Variants in GALNTL6 observed in about 807,000 individuals in gnomAD.
GALNTL6 encodes the protein polypeptide N-acetylgalactosaminyltransferase like 6.
GALNTL6 carries 46 observed loss-of-function variants against 73.7 expected under a neutral mutation model. That is an observed-to-expected ratio of 0.62 (90% CI 0.49 to 0.80). The LOEUF is 0.80. GALNTL6 is among the 30% of genes least tolerant of loss of function. The pLI is 0.00. For synonymous variants in GALNTL6, 259 were observed against 263.7 expected, an observed-to-expected ratio of 0.98 and a Z score of 0.17; for missense variants, 604 against 755.0, an observed-to-expected ratio of 0.80 and a Z score of 2.34.
intron 3 of GALNTL6, among the ~76,000 whole-genome samples, chr4:172,241,078 C>A (rs540976721): frequency 2.1e-4 from 32 of 152,250 alleles, no homozygotes; most frequent in African/African-American, 5.3e-4. Context: ...TAGCTGAATT[C>A]TTGTCCTTGG....
chr4:172,013,798 T>C (rs927520527), intron 2 of GALNTL6, among the ~76,000 whole-genome samples: 1 of 152,038 alleles, frequency 6.6e-6, no homozygotes, highest in Admixed American at 6.6e-5. Flanking sequence ...TACTAGGTCT[T>C]ATTCATTCTT....
At chr4:172,585,642 T>A (rs1017907973) in intron 5 of GALNTL6, among the ~76,000 whole-genome samples, 3 of 152,174 alleles carry the variant, frequency 2.0e-5, no homozygotes, top group African/African-American at 7.2e-5. Context: ...ACATTTTCTT[T>A]ATCCAGTCTA....
Position 172,497,991 on chromosome 4 carries a change from C to CTTTTTTTTTTTTTTTTTTTTTT in GALNTL6, c.553+149312_553+149313insTTTTTTTTTTTTTTTTTTTTTT, listed in dbSNP as rs10669113. On this transcript the variant is annotated intron_variant, in intron 5 of 12. Transcript: ENST00000506823. ...ACAGACTTTGGGGAATGTCACATTT[C>CTTTTTTTTTTTTTTTTTTTTTT]TTTTTTTTTTGTTTTTTTGAGATGG... 3.8e-5 allele frequency among the ~76,000 whole-genome samples: 4 copies of CTTTTTTTTTTTTTTTTTTTTTT among 104,586 alleles called. 1 individual carries two copies. The highest frequency in any genetic ancestry group is 1.9e-5 in the Non-Finnish European group (1 of 54,034). The allele number at this position is 104,586 out of a possible 152,430, so 68.6% of individuals were successfully genotyped here.
Position 173,021,549 on chromosome 4 carries a change from C to A in GALNTL6, c.1562C>A (p.Ala521Glu), listed in dbSNP as rs776471859. 9.3e-6 allele frequency: 15 copies of A among 1,613,708 alleles called. No individual in the cohort carries two copies. Among genetic ancestry groups the A allele is most frequent in the African/African-American group, 1.3e-5 (1 of 74,906 alleles). The change falls in exon 12 of 13, where the codon GCG (alanine) becomes GAG (glutamate). Residue 521 changes from alanine to glutamate, a missense_variant. Coordinates refer to ENST00000506823, the MANE Select transcript of GALNTL6 (RefSeq NM_001034845.3). ...PLHTRKFCFD[A>E]ISHNSPVTLY... Reference sequence around the variant, plus strand: ...CATACCCGGAAATTCTGCTTTGATGCGATCTCACACAACAGCCCCGTTACA... The same window carrying A: ...CATACCCGGAAATTCTGCTTTGATGAGATCTCACACAACAGCCCCGTTACA...
chr4:172,486,626 C>G (rs959329812), intron 5 of GALNTL6, among the ~76,000 whole-genome samples: 1 of 152,138 alleles, frequency 6.6e-6, no homozygotes, highest in Non-Finnish European at 1.5e-5. Context: ...TTATGATGAC[C>G]TTGTAGACAA....
chr4:172,635,335 C>G (rs930857918), intron 5 of GALNTL6, among the ~76,000 whole-genome samples: 2 of 152,008 alleles, frequency 1.3e-5, no homozygotes, highest in Non-Finnish European at 2.9e-5. Context: ...GTATTTTGAA[C>G]TGTCTCAGGT....
intron 5 of GALNTL6, among the ~76,000 whole-genome samples, chr4:172,789,133 A>G (rs181032799): frequency 6.6e-6 from 1 of 152,164 alleles, no homozygotes; most frequent in Non-Finnish European, 1.5e-5. Flanking sequence ...CAGATCCCAG[A>G]GGTAGAAAGC....
chr4:172,288,071 A>T (rs1739324763), intron 3 of GALNTL6, among the ~76,000 whole-genome samples: 1 of 151,462 alleles, frequency 6.6e-6, no homozygotes, highest in Non-Finnish European at 1.5e-5. Flanking sequence ...GTGTACCTGT[A>T]ATAATGTGGC....
intron 2 of GALNTL6, among the ~76,000 whole-genome samples, chr4:172,156,540 A>AGTATAT (rs58197299): frequency 4.0e-5 from 5 of 125,162 alleles, no homozygotes; most frequent in African/African-American, 1.4e-4. Context: ...ATATATATAT[A>AGTATAT]ATATATATAT....
intron 2 of GALNTL6, among the ~76,000 whole-genome samples, chr4:171,954,336 A>T (rs1018124001): frequency 6.6e-6 from 1 of 152,232 alleles, no homozygotes; most frequent in African/African-American, 2.4e-5. Flanking sequence ...TTTTTGTAGC[A>T]TATAAAAACA....
intron 5 of GALNTL6, among the ~76,000 whole-genome samples, chr4:172,530,500 AC>A (rs1488861129): frequency 1.3e-5 from 2 of 152,130 alleles, no homozygotes; most frequent in African/African-American, 4.8e-5. Flanking sequence ...ATGCTACTCT[AC>A]CTCTTGTTAT....
chr4:172,126,079 A>C (rs1220610906), intron 2 of GALNTL6, among the ~76,000 whole-genome samples: 4 of 152,142 alleles, frequency 2.6e-5, no homozygotes, highest in Non-Finnish European at 5.9e-5. Context: ...TAAATTTTGC[A>C]CTGTGTCACT....
intron 5 of GALNTL6, among the ~76,000 whole-genome samples, chr4:172,434,250 T>C (rs112068018): frequency 1.3e-5 from 2 of 152,106 alleles, no homozygotes; most frequent in Non-Finnish European, 2.9e-5. Flanking sequence ...ATACAAGACA[T>C]ATTTGGATAT....
At chr4:172,434,389 A>G (rs912497982) in intron 5 of GALNTL6, among the ~76,000 whole-genome samples, 2 of 152,094 alleles carry the variant, frequency 1.3e-5, no homozygotes, top group Non-Finnish European at 2.9e-5. Flanking sequence ...TCTCCCTTTA[A>G]GCTGAGTACT....
intron 7 of GALNTL6, among the ~76,000 whole-genome samples, chr4:172,854,719 C>T (rs1744033800): frequency 6.6e-6 from 1 of 152,164 alleles, no homozygotes; most frequent in Non-Finnish European, 1.5e-5. Flanking sequence ...TGTTCCTGAC[C>T]TTCTAGTTGA....
chr4:172,342,371 G>A (rs146845488), intron 4 of GALNTL6, among the ~76,000 whole-genome samples: 22 of 152,188 alleles, frequency 1.4e-4, no homozygotes, highest in African/African-American at 2.9e-4. Context: ...TTCGTTGCTC[G>A]TGTTACCTCC....
At chr4:172,103,217 G>A (rs1732571642) in intron 2 of GALNTL6, among the ~76,000 whole-genome samples, 1 of 152,174 alleles carries the variant, frequency 6.6e-6, no homozygotes, top group African/African-American at 2.4e-5. Context: ...CAGAGTTGCT[G>A]ATGACCAGGC....
chr4:172,088,672 T>C (rs1732115908), intron 2 of GALNTL6, among the ~76,000 whole-genome samples: 1 of 152,206 alleles, frequency 6.6e-6, no homozygotes, highest in East Asian at 1.9e-4. Flanking sequence ...CTCTGGAATA[T>C]GAGTTTTCAT....
chr4:172,859,548 G>A (rs1019879395), intron 7 of GALNTL6, among the ~76,000 whole-genome samples: 3 of 152,054 alleles, frequency 2.0e-5, no homozygotes, highest in South Asian at 2.1e-4. Context: ...GCTGCCGTTC[G>A]TTAAGTAAAT....
Sources: gnomAD v4.1 joint callset for allele counts (sites outside exome capture counted in the v4.1 genomes callset) on GRCh38, gnomAD v4.1.1 for gene constraint, MANE v1.5 for transcripts, NCBI Gene and HGNC (gene_info 2026-07-23, HGNC 2026-07-21) for gene names.